TTC28: variants seen among roughly 807,000 people sequenced by gnomAD.
The protein encoded by TTC28 is tetratricopeptide repeat domain 28, also known as tetratricopeptide repeat protein 28.
In TTC28, 61 loss-of-function variants were observed where a neutral mutation model predicts 198.0. The ratio of observed to expected loss-of-function variants is 0.31; its 90% CI spans 0.25 to 0.38. The LOEUF is 0.38. TTC28 is among the 10% of genes least tolerant of loss of function. TTC28 has a pLI of 1.00. For synonymous variants in TTC28, 1,171 were observed against 1,297.8 expected (o/e 0.90, Z 2.10); for missense variants, 2,678 against 3,164.0 (o/e 0.85, Z 3.69).
rs1422908239 is a variant in TTC28, at chr22:28,494,606, C to T, written c.381+134946G>A. ...GTTCATCCTATAAAAGCCTTCCCCT[C>T]GTGCCCTTTTTGTGAAGCCCTGTAC... is the stretch of plus-strand genomic sequence containing the variant. On this transcript the variant is annotated intron_variant, in intron 2 of 22. Transcript: ENST00000397906. Among the ~76,000 whole-genome samples the T allele has an allele frequency of 2.0e-5, 3 of 152,158 alleles. 1 individual carries two copies. The highest frequency in any genetic ancestry group is 2.0e-4 in the Admixed American group (3 of 15,270).
chr22:28,096,497 G>GTGAGGTTTCTGCCC, intron 10 of TTC28, 89 bp from the exon 11 acceptor site: 1 of 1,345,656 alleles, frequency 7.4e-7, no homozygotes, highest in Non-Finnish European at 1.0e-6. Flanking sequence ...ATCCTGGGCA[G>GTGAGGTTTCTGCCC]AAACCTCACT....
chr22:28,673,929 A>C (rs1303997611), intron 1 of TTC28, among the ~76,000 whole-genome samples: 1 of 152,228 alleles, frequency 6.6e-6, no homozygotes, highest in Non-Finnish European at 1.5e-5. Flanking sequence ...CAATAATTTA[A>C]AGGAAGAAAG....
At chr22:28,159,063 C>T (rs371619913) in intron 6 of TTC28, among the ~76,000 whole-genome samples, 1 of 152,088 alleles carries the variant, frequency 6.6e-6, no homozygotes, top group African/African-American at 2.4e-5. Flanking sequence ...AAACAATCTA[C>T]AGGAAAAAAG....
intron 12 of TTC28, among the ~76,000 whole-genome samples, chr22:28,069,925 AACAC>A (rs60436240): frequency 0.16 from 22,807 of 141,914 alleles, 2,113 homozygotes; most frequent in African/African-American, 0.26. Context: ...AGGTTGTACA[AACAC>A]ACACACACAC....
chr22:28,416,143 A>C (rs530240902), intron 2 of TTC28, among the ~76,000 whole-genome samples: 2 of 152,264 alleles, frequency 1.3e-5, no homozygotes, highest in South Asian at 4.2e-4. Context: ...AACTCTAAAA[A>C]ACACATTGGA....
intron 2 of TTC28, among the ~76,000 whole-genome samples, chr22:28,378,766 G>A (rs977407434): frequency 6.6e-6 from 1 of 152,080 alleles, no homozygotes; most frequent in Admixed American, 6.6e-5. Context: ...AATAAAGCAG[G>A]ACAGTGTTTT....
At chr22:28,447,537 G>A (rs1215661781) in intron 2 of TTC28, among the ~76,000 whole-genome samples, 2 of 152,138 alleles carry the variant, frequency 1.3e-5, no homozygotes, top group African/African-American at 2.4e-5. Flanking sequence ...TTTCTCATAC[G>A]TAAATTAAGA....
intron 2 of TTC28, among the ~76,000 whole-genome samples, chr22:28,369,855 T>A (rs2046304694): frequency 6.6e-6 from 1 of 152,202 alleles, no homozygotes; most frequent in African/African-American, 2.4e-5. Flanking sequence ...AATAGGAATA[T>A]ACAGTAGACA....
At chr22:28,500,654 C>T (rs2048524668) in intron 2 of TTC28, among the ~76,000 whole-genome samples, 1 of 152,080 alleles carries the variant, frequency 6.6e-6, no homozygotes, top group African/African-American at 2.4e-5. Context: ...ACATTAAAGA[C>T]TACGATATGC....
intron 2 of TTC28, among the ~76,000 whole-genome samples, chr22:28,529,784 G>A (rs900456345): frequency 1.3e-5 from 2 of 152,134 alleles, no homozygotes; most frequent in African/African-American, 4.8e-5. Context: ...GTGACACTCA[G>A]GCAAACAGGG....
At chr22:28,053,012 C>T (rs747678480) in intron 12 of TTC28, among the ~76,000 whole-genome samples, 1 of 152,256 alleles carries the variant, frequency 6.6e-6, no homozygotes, top group Non-Finnish European at 1.5e-5. Flanking sequence ...GTGGATGGCA[C>T]TCCACAGCCA....
At chr22:28,338,191 A>G (rs2045764662) in intron 2 of TTC28, among the ~76,000 whole-genome samples, 2 of 152,234 alleles carry the variant, frequency 1.3e-5, no homozygotes, top group African/African-American at 4.8e-5. Context: ...TGGCTTGTAG[A>G]GTTTCTGTCG....
intron 5 of TTC28, among the ~76,000 whole-genome samples, chr22:28,175,040 G>T (rs715527): frequency 0.64 from 95,758 of 150,468 alleles, 31,462 homozygotes; most frequent in African/African-American, 0.8. Flanking sequence ...AAAAAAAAAG[G>T]ACTGGGAAAA....
At chr22:28,619,048 C>T (rs1480890996) in intron 2 of TTC28, among the ~76,000 whole-genome samples, 1 of 151,964 alleles carries the variant, frequency 6.6e-6, no homozygotes, top group Non-Finnish European at 1.5e-5. Flanking sequence ...CATTAAAAAA[C>T]TTATAAAGCT....
chr22:28,188,840 G>A (rs754343362), intron 5 of TTC28, among the ~76,000 whole-genome samples: 2 of 152,106 alleles, frequency 1.3e-5, no homozygotes, highest in Non-Finnish European at 2.9e-5. Context: ...GCTCACCATC[G>A]TTTCAACCTG....
chr22:28,674,580 G>A (rs2051948019), intron 1 of TTC28, among the ~76,000 whole-genome samples: 1 of 152,092 alleles, frequency 6.6e-6, no homozygotes, highest in Admixed American at 6.6e-5. Context: ...AGCACTTTGG[G>A]AGGTTGAGGC....
At chr22:28,445,130 C>T (rs1319464360) in intron 2 of TTC28, among the ~76,000 whole-genome samples, 1 of 152,150 alleles carries the variant, frequency 6.6e-6, no homozygotes, top group Non-Finnish European at 1.5e-5. Flanking sequence ...TGTAATCTAT[C>T]ACCAAGTCCT....
chr22:28,322,871 T>C (rs2045469398), intron 2 of TTC28, among the ~76,000 whole-genome samples: 1 of 152,160 alleles, frequency 6.6e-6, no homozygotes, highest in Non-Finnish European at 1.5e-5. Flanking sequence ...TCTTGCTTCT[T>C]CCAGCTTTAG....
rs1472153052 is a variant in TTC28 at position 28,163,348 on chromosome 22, C to G, written c.1185G>C (p.Arg395=). 2 of 1,551,954 alleles carry G rather than the reference C, an allele frequency of 1.3e-6. No homozygotes were observed. Among genetic ancestry groups the G allele is most frequent in the East Asian group, 2.4e-5 (1 of 40,936 alleles). Residue 395 remains arginine (R), a synonymous_variant, in exon 6 of 23, where the codon CGG becomes CGC. Transcript: ENST00000397906. ...AGGCACTGCCCAGGTTGCTATAAGC[C>G]CGGGCCTCTTCTCGCTTGTTCCCCA... The part of the protein sequence containing the change: ...KDLGNKREEA[R]AYSNLGSAYH...
Sources: allele counts gnomAD v4.1 joint callset (sites outside exome capture counted in the v4.1 genomes callset), GRCh38; gene constraint gnomAD v4.1.1; transcripts MANE v1.5; gene names NCBI Gene and HGNC (gene_info 2026-07-23, HGNC 2026-07-21).